ST8SIA4: variants seen among roughly 807,000 people sequenced by gnomAD.
ST8SIA4 encodes ST8 alpha-N-acetyl-neuraminide alpha-2,8-sialyltransferase 4.
ST8SIA4 carries 15 observed loss-of-function variants against 33.9 expected under a neutral mutation model. That is an observed-to-expected ratio of 0.44 (90% CI 0.30 to 0.68). ST8SIA4 has a LOEUF of 0.68. Ranked by LOEUF, ST8SIA4 falls within the 30% of genes least tolerant of loss-of-function variation. The probability of loss-of-function intolerance (pLI) is 0.10; values close to 1 mark genes in which losing one functional copy is unlikely to be tolerated. For missense variants in ST8SIA4, 321 were observed against 428.0 expected (o/e 0.75, Z 2.21); for synonymous variants, 171 against 151.2 (o/e 1.13, Z -0.96).
intron 3 of ST8SIA4, among the ~76,000 whole-genome samples, chr5:100,878,722 A>C (rs932093026): frequency 6.6e-6 from 1 of 152,226 alleles, no homozygotes; most frequent in Non-Finnish European, 1.5e-5. Context: ...CAATTTCATA[A>C]TAAAATGATA....
intron 4 of ST8SIA4, among the ~76,000 whole-genome samples, chr5:100,812,539 A>T (rs1750837029): frequency 6.6e-6 from 1 of 152,140 alleles, no homozygotes; most frequent in Admixed American, 6.5e-5. Flanking sequence ...AACTATGCCT[A>T]TAGATTTTCA....
chr5:100,853,449 G>A (rs1476516709), intron 4 of ST8SIA4, among the ~76,000 whole-genome samples: 1 of 152,176 alleles, frequency 6.6e-6, no homozygotes, highest in Admixed American at 6.5e-5. Flanking sequence ...ATGTAGATTT[G>A]TGAACAGGAA....
intron 3 of ST8SIA4, among the ~76,000 whole-genome samples, chr5:100,883,447 G>C (rs1318266159): frequency 6.6e-6 from 1 of 152,174 alleles, no homozygotes; most frequent in African/African-American, 2.4e-5. Context: ...CCTTGTCTCA[G>C]ACGGAACTTT....
chr5:100,872,348 A>G (rs1752213881), intron 3 of ST8SIA4, among the ~76,000 whole-genome samples: 1 of 152,062 alleles, frequency 6.6e-6, no homozygotes, highest in African/African-American at 2.4e-5. Context: ...TAACATTGAA[A>G]ATTTTTTTCT....
At chr5:100,871,682 G>C (rs1286416648) in intron 3 of ST8SIA4, among the ~76,000 whole-genome samples, 1 of 152,006 alleles carries the variant, frequency 6.6e-6, no homozygotes, top group East Asian at 1.9e-4. Context: ...AGAAAATGCA[G>C]TGCCAATTTT....
chr5:100,858,612 G>A (rs916068153), intron 3 of ST8SIA4, among the ~76,000 whole-genome samples: 2 of 152,030 alleles, frequency 1.3e-5, no homozygotes, highest in African/African-American at 4.8e-5. Flanking sequence ...GTGGTAAGAT[G>A]CTCATCAATT....
At chr5:100,881,816 T>G (rs1752430881) in intron 3 of ST8SIA4, among the ~76,000 whole-genome samples, 1 of 152,172 alleles carries the variant, frequency 6.6e-6, no homozygotes, top group East Asian at 1.9e-4. Flanking sequence ...TGGTTTTATC[T>G]AGGGTTTCCG....
chr5:100,845,995 T>C (rs1264099900), intron 4 of ST8SIA4, among the ~76,000 whole-genome samples: 1 of 152,012 alleles, frequency 6.6e-6, no homozygotes, highest in Non-Finnish European at 1.5e-5. Context: ...CTCTTTTATT[T>C]TTACCCTAGC....
intron 4 of ST8SIA4, among the ~76,000 whole-genome samples, chr5:100,816,919 T>G (rs1387480960): frequency 6.6e-6 from 1 of 151,420 alleles, no homozygotes; most frequent in African/African-American, 2.4e-5. Flanking sequence ...TGAGATATTA[T>G]AAAATAATTG....
chr5:100,896,501 A>G (rs759984544), intron 1 of ST8SIA4, among the ~76,000 whole-genome samples: 2 of 152,116 alleles, frequency 1.3e-5, no homozygotes, highest in Non-Finnish European at 2.9e-5. Flanking sequence ...GACGGGAGGA[A>G]TAAGTTCTGT....
intron 3 of ST8SIA4, among the ~76,000 whole-genome samples, chr5:100,872,314 A>AT (rs1331888973): frequency 6.6e-6 from 1 of 151,672 alleles, no homozygotes; most frequent in African/African-American, 2.4e-5. Flanking sequence ...TCACTTTAAC[A>AT]TTTTTTTCAT....
intron 3 of ST8SIA4, among the ~76,000 whole-genome samples, chr5:100,870,722 T>C: frequency 6.6e-6 from 1 of 152,262 alleles, no homozygotes; most frequent in Non-Finnish European, 1.5e-5. Flanking sequence ...GTACCTCTCA[T>C]CACAACTTAT....
intron 4 of ST8SIA4, among the ~76,000 whole-genome samples, chr5:100,823,874 A>G (rs1321461883): frequency 1.3e-5 from 2 of 152,246 alleles, no homozygotes; most frequent in Non-Finnish European, 2.9e-5. Flanking sequence ...CTGGTGTAAT[A>G]GAAATTCAAG....
chr5:100,817,845 G>A (rs1339730850), intron 4 of ST8SIA4, among the ~76,000 whole-genome samples: 2 of 152,146 alleles, frequency 1.3e-5, no homozygotes, highest in Non-Finnish European at 2.9e-5. Context: ...TCTAATGTGT[G>A]TAAATAAAGG....
chr5:100,863,556 C>A (rs935621631), intron 3 of ST8SIA4, among the ~76,000 whole-genome samples: 1 of 152,048 alleles, frequency 6.6e-6, no homozygotes, highest in Non-Finnish European at 1.5e-5. Flanking sequence ...AAATTTTTAT[C>A]TTCTTTCTCT....
chr5:100,847,855 G>C (rs13358325), intron 4 of ST8SIA4, among the ~76,000 whole-genome samples: 42,525 of 151,798 alleles, frequency 0.28, 6,208 homozygotes, highest in Non-Finnish European at 0.32. Context: ...AGTTTAGAAA[G>C]GTATGCCAAA....
At chr5:100,865,792 CA>C (rs1752049292) in intron 3 of ST8SIA4, among the ~76,000 whole-genome samples, 1 of 152,072 alleles carries the variant, frequency 6.6e-6, no homozygotes, top group Non-Finnish European at 1.5e-5. Flanking sequence ...CTTTTACCAC[CA>C]AAATGTGACC....
chr5:100,900,215 T>C (rs1392223388), intron 1 of ST8SIA4: 1 of 342,936 alleles, frequency 2.9e-6, no homozygotes, highest in Non-Finnish European at 5.8e-6. Flanking sequence ...TCTGGGGTAG[T>C]GATGCAAGAT....
intron 3 of ST8SIA4, among the ~76,000 whole-genome samples, chr5:100,879,524 T>A (rs1369480924): frequency 6.6e-6 from 1 of 152,052 alleles, no homozygotes; most frequent in African/African-American, 2.4e-5. Flanking sequence ...GAGATGACGA[T>A]AGTTTAGAAA....
Sources: gnomAD v4.1 joint callset for allele counts (sites outside exome capture counted in the v4.1 genomes callset) on GRCh38, gnomAD v4.1.1 for gene constraint, MANE v1.5 for transcripts, NCBI Gene and HGNC (gene_info 2026-07-23, HGNC 2026-07-21) for gene names.